CACNG4: variants seen among roughly 807,000 people sequenced by gnomAD.
CACNG4 encodes calcium voltage-gated channel auxiliary subunit gamma 4, also known as voltage-dependent calcium channel gamma-4 subunit.
A neutral mutation model predicts 22.9 loss-of-function variants in CACNG4; 8 were observed. The observed-to-expected ratio is 0.35, with a 90% CI of 0.21 to 0.63. The LOEUF is 0.63. Ranked by LOEUF, CACNG4 falls within the 30% of genes least tolerant of loss-of-function variation. CACNG4 has a pLI of 0.72. For missense variants in CACNG4, 357 were observed against 455.4 expected (o/e 0.78, Z 1.97); for synonymous variants, 188 against 191.9 (o/e 0.98, Z 0.17).
intron 1 of CACNG4, among the ~76,000 whole-genome samples, chr17:66,979,613 C>T (rs7222966): frequency 0.025 from 3,850 of 152,106 alleles, 147 homozygotes; most frequent in African/African-American, 0.089. Flanking sequence ...CTTCTTCTTT[C>T]GAACTTCTGT....
intron 2 of CACNG4, 72 bp from the exon 3 acceptor site, chr17:67,024,788 A>G (rs2035552880): frequency 7.2e-7 from 1 of 1,398,306 alleles, no homozygotes; most frequent in Non-Finnish European, 9.4e-7. Flanking sequence ...CCTGGGAGAC[A>G]TACGCAGCCA....
intron 1 of CACNG4, among the ~76,000 whole-genome samples, chr17:66,968,354 A>G (rs2035182925): frequency 6.6e-6 from 1 of 152,086 alleles, no homozygotes; most frequent in African/African-American, 2.4e-5. Context: ...GGATACATAA[A>G]TTGCGTAACA....
At chr17:66,986,582 G>A (rs776381589) in intron 1 of CACNG4, among the ~76,000 whole-genome samples, 32 of 152,312 alleles carry the variant, frequency 2.1e-4, no homozygotes, top group Non-Finnish European at 3.7e-4. Flanking sequence ...GAGTGAGGCG[G>A]ATAAGTCCAG....
chr17:66,986,189 G>A (rs1160123311), intron 1 of CACNG4, among the ~76,000 whole-genome samples: 1 of 152,230 alleles, frequency 6.6e-6, no homozygotes, highest in East Asian at 1.9e-4. Flanking sequence ...CAGGGAGGTA[G>A]GAGAACAGAA....
At chr17:67,010,407 G>A (rs2035461921) in intron 1 of CACNG4, among the ~76,000 whole-genome samples, 1 of 152,112 alleles carries the variant, frequency 6.6e-6, no homozygotes, top group Non-Finnish European at 1.5e-5. Flanking sequence ...CTGCCTCCTT[G>A]GTGTACGAAG....
intron 1 of CACNG4, among the ~76,000 whole-genome samples, chr17:66,974,244 A>G (rs1037510994): frequency 6.6e-6 from 1 of 152,216 alleles, no homozygotes; most frequent in Non-Finnish European, 1.5e-5. Context: ...GGAGGCCAGG[A>G]CAAAGAAAGG....
intron 1 of CACNG4, 109 bp downstream of exon 1, chr17:66,965,240 C>A: frequency 1.5e-6 from 1 of 658,562 alleles, no homozygotes; most frequent in Non-Finnish European, 2.4e-6. Context: ...ACACACTGCC[C>A]GGCGCGCGGG....
intron 1 of CACNG4, among the ~76,000 whole-genome samples, chr17:66,995,606 C>G (rs894849084): frequency 2.4e-4 from 36 of 152,132 alleles, no homozygotes; most frequent in African/African-American, 8.2e-4. Flanking sequence ...AATCTCAGCA[C>G]TTTGGGAGGC....
intron 1 of CACNG4, among the ~76,000 whole-genome samples, chr17:66,978,576 A>G (rs1349895690): frequency 6.6e-6 from 1 of 152,180 alleles, no homozygotes; most frequent in Non-Finnish European, 1.5e-5. Context: ...GGGGCCGGAC[A>G]GTCCGGCCAA....
intron 1 of CACNG4, among the ~76,000 whole-genome samples, chr17:66,997,646 A>C (rs6504481): frequency 2.0e-5 from 3 of 151,984 alleles, no homozygotes; most frequent in Non-Finnish European, 4.4e-5. Flanking sequence ...GGGAAACCCC[A>C]TCTCTACTAA....
Position 67,014,948 on chromosome 17 carries a change from A to C in CACNG4, c.221-3241A>C, listed in dbSNP as rs577307842. Among the ~76,000 whole-genome samples the C allele has an allele frequency of 4.9e-3, 747 of 151,166 alleles. 6 individuals carry two copies. The highest frequency in any genetic ancestry group is 6.0e-3 in the Non-Finnish European group (405 of 67,890). ...CGAGACTCCATCTCCAAAAACAAAAAAAAAAAAAAAAGAAAGAAAGAAAGA... is the reference window on the plus strand; with the variant it reads ...CGAGACTCCATCTCCAAAAACAAAACAAAAAAAAAAAGAAAGAAAGAAAGA... On this transcript the variant is annotated intron_variant, in intron 1 of 3. Transcript: ENST00000262138.
Position 66,965,080 on chromosome 17 carries a change from G to C in CACNG4, c.169G>C (p.Ala57Pro). 6.2e-7 allele frequency: 1 copy of C among 1,604,046 alleles called. No individual in the cohort carries two copies. Among genetic ancestry groups the C allele is most frequent in the Non-Finnish European group, 8.5e-7 (1 of 1,176,172 alleles). The change falls in exon 1 of 4, where the codon GCC (alanine) becomes CCC (proline). Residue 57 changes from alanine (A) to proline (P), a missense_variant. Around this residue, in one of 3 missense-constraint regions of CACNG4, gnomAD observed 114 missense variants for 161.6 expected, o/e 0.71. Transcript: ENST00000262138. ...TMDDGPPPRR[A>P]RGDLTHSGLW... ...GGACGACGGGCCCCCGCCCCGCCGC[G>C]CCCGCGGCGACCTCACCCACTCTGG...
At chr17:66,977,992 T>C (rs916975873) in intron 1 of CACNG4, among the ~76,000 whole-genome samples, 1 of 152,164 alleles carries the variant, frequency 6.6e-6, no homozygotes, top group Non-Finnish European at 1.5e-5. Flanking sequence ...GCCTATCCCA[T>C]AGGGTTGTCA....
At chr17:67,006,533 C>T (rs113611602) in intron 1 of CACNG4, among the ~76,000 whole-genome samples, 2,325 of 152,218 alleles carry the variant, frequency 0.015, 34 homozygotes, top group Middle Eastern at 0.051. Context: ...TCGCCTGGGC[C>T]GCCATATGCC....
chr17:67,018,469 C>T (rs907880337), intron 2 of CACNG4, among the ~76,000 whole-genome samples, 197 bp downstream of exon 2: 1 of 152,186 alleles, frequency 6.6e-6, no homozygotes, highest in African/African-American at 2.4e-5. Flanking sequence ...CTGGGTATCT[C>T]AATGCGGTTA....
intron 2 of CACNG4, among the ~76,000 whole-genome samples, chr17:67,022,138 C>G (rs1218556058): frequency 6.6e-6 from 1 of 150,712 alleles, no homozygotes; most frequent in Non-Finnish European, 1.5e-5. Context: ...TGCAGTGGCG[C>G]GATCTTGGCT....
At chr17:67,023,114 T>G (rs899314767) in intron 2 of CACNG4, among the ~76,000 whole-genome samples, 2 of 152,044 alleles carry the variant, frequency 1.3e-5, no homozygotes, top group Non-Finnish European at 2.9e-5. Flanking sequence ...GGCAGCAGCA[T>G]TGGGTCTCTG....
chr17:66,966,993 C>A (rs145498127), intron 1 of CACNG4, among the ~76,000 whole-genome samples: 1 of 152,212 alleles, frequency 6.6e-6, no homozygotes, highest in Non-Finnish European at 1.5e-5. Context: ...CCATCAGGTG[C>A]CAACTGCCTG....
In CACNG4 at chr17:66,967,229, A is replaced by G. The variant is rs997540580; in HGVS notation, c.220+2098A>G. Among the ~76,000 whole-genome samples the G allele has an allele frequency of 9.8e-5, 15 of 152,304 alleles. No homozygotes were observed. The South Asian group carries it at 1.0e-3, about 11-fold the overall frequency. On this transcript the variant is annotated intron_variant, in intron 1 of 3. Coordinates refer to ENST00000262138, the MANE Select transcript of CACNG4 (RefSeq NM_014405.4). ...TGTTCATCAAGAGAGCCCCAAGCTG[A>G]TCTGGGCAGCTGGCTCCACTAGCAG... is the stretch of plus-strand genomic sequence containing the variant.
Sources: gnomAD v4.1 joint callset for allele counts (sites outside exome capture counted in the v4.1 genomes callset) on GRCh38, gnomAD v4.1.1 for gene constraint, gnomAD v4.1.1 regional missense constraint, MANE v1.5 for transcripts, NCBI Gene and HGNC (gene_info 2026-07-23, HGNC 2026-07-21) for gene names.